The following FDFT1 variants were observed in gnomAD, a reference collection of about 807,000 sequenced individuals.
FDFT1 encodes the protein squalene synthase.
A neutral mutation model predicts 46.8 loss-of-function variants in FDFT1; 68 were observed. The ratio of observed to expected loss-of-function variants is 1.45; its 90% confidence interval spans 1.19 to 1.78. The LOEUF is 1.78. FDFT1 is among the 40% of genes most tolerant of loss of function. The probability of loss-of-function intolerance (pLI) is 0.00; values close to 1 mark genes in which losing one functional copy is unlikely to be tolerated. For synonymous variants in FDFT1, 351 were observed against 185.1 expected (o/e 1.90, Z -7.28); for missense variants, 928 against 524.4 (o/e 1.77, Z -7.52).
intron 5 of FDFT1, among the ~76,000 whole-genome samples, chr8:11,829,072 C>A (rs750794608): frequency 6.6e-6 from 1 of 152,170 alleles, no homozygotes; most frequent in African/African-American, 2.4e-5. Context: ...TGAGGAGCTG[C>A]CAGACGCTTT....
chr8:11,803,263 G>C, intron 1 of FDFT1: 1 of 1,347,564 alleles, frequency 7.4e-7, no homozygotes. Flanking sequence ...GAGGCAATGT[G>C]GGTGGGTTAC....
chr8:11,802,936 G>C lies in FDFT1; in HGVS notation c.99+5G>C, dbSNP rs1225224368. The C allele has an allele frequency of 6.3e-7, 1 of 1,599,620 alleles. No individual in the cohort carries two copies. Among genetic ancestry groups the C allele is most frequent in the Admixed American group, 1.7e-5 (1 of 58,088 alleles). The stretch of plus-strand genomic sequence containing the variant: ...GTGATGCCCAAGATGGACCAGGTGG[G>C]CCGAGCCTCCCTGCTTGCCCGGGGC... On this transcript the variant is annotated splice_donor_5th_base_variant and intron_variant, in intron 1 of 7. Transcript: ENST00000220584.
chr8:11,801,368 G>A (rs1806101671), upstream of FDFT1, among the ~76,000 whole-genome samples: 1 of 152,234 alleles, frequency 6.6e-6, no homozygotes. Context: ...CCCCCAGGCT[G>A]GAGTGCAATA....
intron 4 of FDFT1, among the ~76,000 whole-genome samples, chr8:11,824,508 C>G (rs1400412534): frequency 1.3e-5 from 2 of 152,182 alleles, no homozygotes; most frequent in African/African-American, 4.8e-5. Context: ...ACGGCAGCCC[C>G]TTGAACCTTC....
intron 5 of FDFT1, among the ~76,000 whole-genome samples, chr8:11,826,946 A>C (rs1260435458): frequency 6.6e-6 from 1 of 152,234 alleles, no homozygotes; most frequent in African/African-American, 2.4e-5. Context: ...CCAAAGAAAG[A>C]ATTCTGCAGC....
rs1444278598 is a variant in FDFT1, at chr8:11,838,612, C to G, written c.*3C>G. The G allele has an allele frequency of 1.9e-6, 3 of 1,604,396 alleles. No homozygotes were observed. The highest frequency in any genetic ancestry group is 1.3e-5 in the African/African-American group (1 of 74,694). On this transcript the variant is annotated 3_prime_UTR_variant, in exon 8 of 8. Coordinates refer to ENST00000220584, the MANE Select transcript of FDFT1 (RefSeq NM_004462.5). ...ATGTTCAGACTGGAGAACACTGATC[C>G]CAAATTTGTCCATAGCTGAAGTCCA...
At chr8:11,811,574 C>G (rs921020198) in intron 3 of FDFT1, among the ~76,000 whole-genome samples, 14 of 152,184 alleles carry the variant, frequency 9.2e-5, no homozygotes, top group Non-Finnish European at 1.3e-4. Flanking sequence ...TGTGAAACTT[C>G]AGTGTCTTCC....
upstream of FDFT1, chr8:11,802,424 C>T (rs1005449188): frequency 6.5e-6 from 3 of 458,472 alleles, no homozygotes; most frequent in African/African-American, 2.0e-5. Flanking sequence ...GCCTCACCTC[C>T]AGTCCCCACA....
chr8:11,817,268 T>G (rs917292013), intron 3 of FDFT1, among the ~76,000 whole-genome samples: 1 of 152,228 alleles, frequency 6.6e-6, no homozygotes, highest in Admixed American at 6.5e-5. Context: ...GGATTCAATT[T>G]GCCATTATTT....
At chr8:11,805,611 T>G (rs1268255557) in intron 1 of FDFT1, among the ~76,000 whole-genome samples, 1 of 152,226 alleles carries the variant, frequency 6.6e-6, no homozygotes, top group African/African-American at 2.4e-5. Flanking sequence ...ATGGTAACGA[T>G]TTTTTAACCA....
chr8:11,802,647 C>T (rs946063455), upstream of FDFT1: 50 of 603,026 alleles, frequency 8.3e-5, no homozygotes, highest in African/African-American at 4.5e-4. Flanking sequence ...GAGGCCGCAG[C>T]TAGCCCCGCT....
At chr8:11,832,997 C>A (rs1432008108) in intron 7 of FDFT1, among the ~76,000 whole-genome samples, 1 of 152,190 alleles carries the variant, frequency 6.6e-6, no homozygotes, top group African/African-American at 2.4e-5. Context: ...ATTTCTCTTG[C>A]ATATTGCACA....
At chr8:11,814,996 C>A (rs902926374) in intron 3 of FDFT1, among the ~76,000 whole-genome samples, 22 of 152,188 alleles carry the variant, frequency 1.4e-4, no homozygotes, top group African/African-American at 4.6e-4. Context: ...TTAGGTATTT[C>A]TCGTAATGCT....
chr8:11,802,404 A>T (rs1187471670), upstream of FDFT1: 1 of 457,168 alleles, frequency 2.2e-6, no homozygotes, highest in East Asian at 6.9e-5. Flanking sequence ...TGCGCATCCT[A>T]AGCCCCACCG....
intron 3 of FDFT1, among the ~76,000 whole-genome samples, chr8:11,817,979 C>T (rs1050345019): frequency 6.6e-6 from 1 of 152,114 alleles, no homozygotes; most frequent in African/African-American, 2.4e-5. Flanking sequence ...ATCTTTCCTG[C>T]TTTCTCTTGT....
chr8:11,803,437 G>C, intron 1 of FDFT1: 1 of 1,286,078 alleles, frequency 7.8e-7, no homozygotes, highest in Non-Finnish European at 1.0e-6. Flanking sequence ...GGTGCTTCCT[G>C]AGTTTTAAAA....
At chr8:11,830,887 C>T (rs1585993047) in intron 6 of FDFT1, among the ~76,000 whole-genome samples, 1 of 152,172 alleles carries the variant, frequency 6.6e-6, no homozygotes, top group Non-Finnish European at 1.5e-5. Flanking sequence ...TTGCCTTTAC[C>T]AAGTATTGCA....
intron 1 of FDFT1, among the ~76,000 whole-genome samples, chr8:11,806,007 A>T (rs985531258): frequency 3.3e-5 from 5 of 152,178 alleles, no homozygotes; most frequent in African/African-American, 4.8e-5. Flanking sequence ...ATGTAAATTC[A>T]GTTCTCAAGT....
At chr8:11,829,762 T>C (rs1392278859) in intron 5 of FDFT1, among the ~76,000 whole-genome samples, 6 of 152,188 alleles carry the variant, frequency 3.9e-5, no homozygotes, top group Non-Finnish European at 8.8e-5. Context: ...AGCTATTGCA[T>C]GGAGCTTAAA....
Sources: allele counts gnomAD v4.1 joint callset (sites outside exome capture counted in the v4.1 genomes callset), GRCh38; gene constraint gnomAD v4.1.1; transcripts MANE v1.5; gene names NCBI Gene and HGNC (gene_info 2026-07-23, HGNC 2026-07-21).